The following TLK2 variants were observed in gnomAD, a reference collection of about 807,000 sequenced individuals.
The protein encoded by TLK2 is serine/threonine-protein kinase tousled-like 2.
TLK2 carries 6 observed loss-of-function variants against 117.3 expected under a neutral mutation model. The ratio of observed to expected loss-of-function variants is 0.05; its 90% CI spans 0.03 to 0.10. The LOEUF (loss-of-function observed/expected upper bound fraction) is 0.10. Among genes scored for constraint, TLK2 ranks in the 10% least tolerant of loss-of-function variants. The pLI, the probability that TLK2 is intolerant of heterozygous loss-of-function variation, is 1.00. For missense variants in TLK2, 299 were observed against 901.2 expected (o/e 0.33, Z 8.56); for synonymous variants, 257 against 316.7 (o/e 0.81, Z 2.00).
At chr17:62,510,848 A>G (rs999241058) in intron 2 of TLK2, among the ~76,000 whole-genome samples, 1 of 152,240 alleles carries the variant, frequency 6.6e-6, no homozygotes, top group Non-Finnish European at 1.5e-5. Context: ...ACAGGTTGTT[A>G]TGAGGGTTAA....
intron 7 of TLK2, among the ~76,000 whole-genome samples, chr17:62,537,091 A>G (rs1201256728): frequency 6.6e-6 from 1 of 152,166 alleles, no homozygotes; most frequent in African/African-American, 2.4e-5. Flanking sequence ...GGCATCTTTC[A>G]CAACTAAGTC....
At chr17:62,512,678 C>G (rs2075245183) in intron 2 of TLK2, among the ~76,000 whole-genome samples, 1 of 151,818 alleles carries the variant, frequency 6.6e-6, no homozygotes, top group Non-Finnish European at 1.5e-5. Context: ...TTACTCTGTA[C>G]TTTTGATGAG....
At chr17:62,485,670 G>C (rs1466885755) in intron 2 of TLK2, among the ~76,000 whole-genome samples, 1 of 134,448 alleles carries the variant, frequency 7.4e-6, no homozygotes, top group Non-Finnish European at 1.6e-5. Context: ...GTCATGAACT[G>C]ATGAGGGGAA....
At chr17:62,520,676 TAAA>T (rs59245612) in intron 2 of TLK2, 94 bp from the exon 3 acceptor site, 6,325 of 864,550 alleles carry the variant, frequency 7.3e-3, no homozygotes, top group East Asian at 0.01. Context: ...AAACTCTGTC[TAAA>T]AAAAAAAAAA....
intron 12 of TLK2, 44 bp from the exon 13 acceptor site, chr17:62,576,665 A>G (rs1347906922): frequency 4.8e-6 from 7 of 1,456,648 alleles, no homozygotes; most frequent in East Asian, 4.5e-5. Context: ...CAGGCAAACT[A>G]TGATTTCTAG....
At chr17:62,543,746 A>C (rs1484555642) in intron 7 of TLK2, among the ~76,000 whole-genome samples, 14 of 152,216 alleles carry the variant, frequency 9.2e-5, no homozygotes, top group African/African-American at 3.4e-4. Flanking sequence ...TTTGTCAACT[A>C]TATGATTGGC....
chr17:62,588,425 A>G (rs1029538225), intron 16 of TLK2, among the ~76,000 whole-genome samples: 1 of 152,224 alleles, frequency 6.6e-6, no homozygotes, highest in Non-Finnish European at 1.5e-5. Context: ...TCTCTACCAG[A>G]CAGAATCAGA....
At chr17:62,568,757 GT>G (rs2146521633) in intron 11 of TLK2, among the ~76,000 whole-genome samples, 1 of 151,948 alleles carries the variant, frequency 6.6e-6, no homozygotes, top group African/African-American at 2.4e-5. Context: ...ATGAATTTTT[GT>G]ATTTTTAGTA....
In TLK2 at chr17:62,518,264, G is replaced by A. The variant is rs570316540; in HGVS notation, c.82-2509G>A. Among the ~76,000 whole-genome samples, 6 of 152,188 alleles carry A rather than the reference G, an allele frequency of 3.9e-5. No individual in the cohort carries two copies. In the South Asian group the frequency reaches 1.0e-3, roughly 26 times the overall value. ...AGGTGTTACCATGAAAATGAAGAAC[G>A]GAAAAATGTTTTCTATGATTATTAT... On this transcript the variant is annotated intron_variant, in intron 2 of 21. Transcript: ENST00000346027.
At chr17:62,484,784 C>A (rs573116986) in intron 2 of TLK2, among the ~76,000 whole-genome samples, 1 of 151,992 alleles carries the variant, frequency 6.6e-6, no homozygotes, top group Admixed American at 6.6e-5. Flanking sequence ...GGGCCAGGCA[C>A]GGTGGCTCAC....
In TLK2 at chr17:62,513,068, C is replaced by T. The variant is rs569319890; in HGVS notation, c.82-7705C>T. Among the ~76,000 whole-genome samples the T allele has an allele frequency of 5.3e-5, 8 of 150,920 alleles. No individual in the cohort carries two copies. The East Asian group carries it at 1.4e-3, about 26-fold the overall frequency. On this transcript the variant is annotated intron_variant, in intron 2 of 21. Coordinates refer to ENST00000346027, the MANE Select transcript of TLK2 (RefSeq NM_006852.6). ...TAACTTTTTGTATTTTTAGTAGAGACGGGGTTTCACAATGTTGGCCAGGCT... is the reference window on the plus strand; with the variant it reads ...TAACTTTTTGTATTTTTAGTAGAGATGGGGTTTCACAATGTTGGCCAGGCT...
chr17:62,498,984 T>A (rs2144904911), intron 2 of TLK2, among the ~76,000 whole-genome samples: 1 of 152,108 alleles, frequency 6.6e-6, no homozygotes, highest in East Asian at 1.9e-4. Context: ...CACCTCAGCC[T>A]CCCTGAGTAG....
rs2082918943 is a variant in TLK2, at chr17:62,602,198, C to G, written c.1859+18C>G. On this transcript the variant is annotated intron_variant, in intron 19 of 21. Coordinates refer to ENST00000346027, the MANE Select transcript of TLK2 (RefSeq NM_006852.6). ...ACTTATTGGTAGGTATCCAGGAGCTCTGCCAGGTTGGCTATAGAGATGTGG... is the reference window on the plus strand; with the variant it reads ...ACTTATTGGTAGGTATCCAGGAGCTGTGCCAGGTTGGCTATAGAGATGTGG... 1 of 1,611,488 alleles carries G rather than the reference C, an allele frequency of 6.2e-7. No individual in the cohort carries two copies. The highest frequency in any genetic ancestry group is 1.3e-5 in the African/African-American group (1 of 74,820).
chr17:62,603,571 T>C (rs1264993820), intron 19 of TLK2, among the ~76,000 whole-genome samples: 2 of 152,142 alleles, frequency 1.3e-5, no homozygotes, highest in African/African-American at 4.8e-5. Context: ...AAATAGTTAC[T>C]GCTGTAGTTG....
intron 2 of TLK2, among the ~76,000 whole-genome samples, chr17:62,520,448 AG>A (rs903841345): frequency 2.0e-5 from 3 of 151,374 alleles, no homozygotes; most frequent in Non-Finnish European, 4.4e-5. Flanking sequence ...AGGTCGAGAC[AG>A]GCAGATCACC....
At position 62,596,664 on chromosome 17, in the gene TLK2, G is replaced by C; in HGVS notation, c.1540G>C (p.Asp514His). The change falls in exon 17 of 22, where the codon GAT becomes CAT. Residue 514 changes from aspartate to histidine, a missense_variant. Asp to His is a moderately conservative substitution (Grantham distance 81). Transcript: ENST00000346027. Reference sequence around the variant, plus strand: ...TAAGCTGTATGATTACTTTTCACTGGATACTGACTCGTAAGTGCTGTGCTG... The same window carrying C: ...TAAGCTGTATGATTACTTTTCACTGCATACTGACTCGTAAGTGCTGTGCTG... ...IVKLYDYFSL[D>H]TDSFCTVLEY... 2.5e-6 allele frequency: 4 copies of C among 1,613,888 alleles called. No individual in the cohort carries two copies. Among genetic ancestry groups the C allele is most frequent in the Non-Finnish European group, 3.4e-6 (4 of 1,179,806 alleles).
At chr17:62,490,870 A>G (rs2073043046) in intron 2 of TLK2, among the ~76,000 whole-genome samples, 1 of 152,124 alleles carries the variant, frequency 6.6e-6, no homozygotes. Context: ...TTTAGAATTT[A>G]ATCTGCAAAT....
intron 2 of TLK2, among the ~76,000 whole-genome samples, chr17:62,514,966 T>C (rs1179500870): frequency 6.6e-6 from 1 of 152,232 alleles, no homozygotes; most frequent in East Asian, 1.9e-4. Flanking sequence ...GCATCCAATT[T>C]CCAGAACTTT....
chr17:62,556,790 C>T (rs926674543), intron 9 of TLK2, among the ~76,000 whole-genome samples: 1 of 152,106 alleles, frequency 6.6e-6, no homozygotes, highest in Non-Finnish European at 1.5e-5. Flanking sequence ...TAGCTTGAAT[C>T]TCTGATTTCT....
Sources: allele counts gnomAD v4.1 joint callset (sites outside exome capture counted in the v4.1 genomes callset), GRCh38; gene constraint gnomAD v4.1.1; transcripts MANE v1.5; gene names NCBI Gene and HGNC (gene_info 2026-07-23, HGNC 2026-07-21).